Variants in ORC5 observed in about 807,000 individuals in gnomAD.
ORC5 encodes the protein protein phosphatase 1, regulatory subunit 117.
Under a neutral mutation model 58.8 loss-of-function variants are expected in ORC5, and 39 were observed. The ratio of observed to expected loss-of-function variants is 0.66; its 90% CI spans 0.51 to 0.87. The LOEUF is 0.87. Ranked by LOEUF, ORC5 falls within the 40% of genes least tolerant of loss-of-function variation. The probability of loss-of-function intolerance (pLI) is 0.00; values close to 1 mark genes in which losing one functional copy is unlikely to be tolerated. For synonymous variants in ORC5, 218 were observed against 177.6 expected (o/e 1.23, Z -1.81); for missense variants, 493 against 506.3 (o/e 0.97, Z 0.25).
chr7:104,151,554 A>G (rs537609197), intron 12 of ORC5, among the ~76,000 whole-genome samples: 1 of 152,346 alleles, frequency 6.6e-6, no homozygotes, highest in Non-Finnish European at 1.5e-5. Flanking sequence ...CGTATACTAC[A>G]TGGCAGGTGC....
At chr7:104,190,304 G>C (rs1799645588) in intron 5 of ORC5, among the ~76,000 whole-genome samples, 1 of 152,130 alleles carries the variant, frequency 6.6e-6, no homozygotes, top group East Asian at 1.9e-4. Context: ...CAACTAGGAA[G>C]AAAAAGGGGA....
At chr7:104,152,676 A>T (rs192759119) in intron 12 of ORC5, among the ~76,000 whole-genome samples, 19 of 152,292 alleles carry the variant, frequency 1.2e-4, no homozygotes, top group Admixed American at 1.0e-3. Flanking sequence ...GTCAGCTAAA[A>T]ATCTGCCAAG....
chr7:104,205,902 G>A (rs1482570103), intron 1 of ORC5, among the ~76,000 whole-genome samples: 3 of 152,120 alleles, frequency 2.0e-5, no homozygotes, highest in Non-Finnish European at 4.4e-5. Flanking sequence ...CCAGCTACTC[G>A]GAGGCTGAGG....
intron 13 of ORC5, among the ~76,000 whole-genome samples, chr7:104,134,561 G>T (rs571658878): frequency 2.0e-5 from 3 of 152,084 alleles, no homozygotes; most frequent in Admixed American, 6.6e-5. Flanking sequence ...CAGATTGCAT[G>T]AGTCTCAAGG....
chr7:104,132,384 T>C (rs1457965401), intron 13 of ORC5, among the ~76,000 whole-genome samples: 1 of 152,192 alleles, frequency 6.6e-6, no homozygotes, highest in Non-Finnish European at 1.5e-5. Context: ...ATTGATTGAC[T>C]GCCATTTTAG....
chr7:104,146,651 G>A (rs1273288040), intron 12 of ORC5, among the ~76,000 whole-genome samples: 4 of 152,188 alleles, frequency 2.6e-5, no homozygotes, highest in South Asian at 2.1e-4. Flanking sequence ...ATTGGGGAAG[G>A]GGAGGAAGAG....
At chr7:104,130,911 A>G (rs1028459925) in intron 13 of ORC5, among the ~76,000 whole-genome samples, 3 of 152,064 alleles carry the variant, frequency 2.0e-5, no homozygotes, top group African/African-American at 7.2e-5. Context: ...CTAGCTTAAG[A>G]CTCCATGATT....
chr7:104,175,973 G>A (rs764071355), intron 8 of ORC5, among the ~76,000 whole-genome samples: 1 of 152,128 alleles, frequency 6.6e-6, no homozygotes, highest in Non-Finnish European at 1.5e-5. Flanking sequence ...ATAAAAAGAA[G>A]TGTTTTTAAA....
In ORC5 at chr7:104,186,752, T is replaced by C. The variant is rs550176993; in HGVS notation, c.684+1499A>G. Reference sequence around the variant, plus strand: ...GAAAATGAATATCTTTATTCTTCCATGTTCTATATATAGAGAAAACTAAGA... The same window carrying C: ...GAAAATGAATATCTTTATTCTTCCACGTTCTATATATAGAGAAAACTAAGA... On this transcript the variant is annotated intron_variant, in intron 6 of 13. Transcript: ENST00000297431. 5.3e-5 allele frequency among the ~76,000 whole-genome samples: 8 copies of C among 152,310 alleles called. No homozygotes were observed. In the South Asian group the frequency reaches 1.2e-3, roughly 24 times the overall value.
intron 7 of ORC5, 26 bp from the exon 8 acceptor site, chr7:104,184,059 G>GT (rs776079142): frequency 6.3e-7 from 1 of 1,597,036 alleles, no homozygotes; most frequent in South Asian, 1.1e-5. Flanking sequence ...GAAAATTTCA[G>GT]TAATTTATAT....
At position 104,136,906 on chromosome 7, in the gene ORC5, A is replaced by G; in HGVS notation, c.1150-13T>C. Reference sequence around the variant, plus strand: ...CTAGAGAGGTAATCTAAAAGAGAACATTTTTATAAGAAACTGTTTTAATAA... The same window carrying G: ...CTAGAGAGGTAATCTAAAAGAGAACGTTTTTATAAGAAACTGTTTTAATAA... On this transcript the variant is annotated splice_polypyrimidine_tract_variant and intron_variant, in intron 12 of 13. Transcript: ENST00000297431. The surrounding 1 kb of genome is among the most constrained non-coding windows in gnomAD (Gnocchi z 4.2). 1.3e-6 allele frequency: 2 copies of G among 1,545,652 alleles called. No homozygotes were observed. Among genetic ancestry groups the G allele is most frequent in the Admixed American group, 1.7e-5 (1 of 59,908 alleles).
At chr7:104,168,990 G>A (rs1385709480) in intron 8 of ORC5, among the ~76,000 whole-genome samples, 1 of 152,160 alleles carries the variant, frequency 6.6e-6, no homozygotes, top group African/African-American at 2.4e-5. Context: ...GCTGAGGCAC[G>A]AGAATCACTT....
intron 1 of ORC5, 120 bp from the exon 2 acceptor site, chr7:104,204,354 A>T: frequency 1.5e-6 from 1 of 658,316 alleles, no homozygotes; most frequent in Non-Finnish European, 2.7e-6. Flanking sequence ...CCTAACAATG[A>T]GCATATTGTG....
intron 12 of ORC5, among the ~76,000 whole-genome samples, chr7:104,152,464 C>G (rs909770504): frequency 6.6e-6 from 1 of 152,108 alleles, no homozygotes; most frequent in Non-Finnish European, 1.5e-5. Context: ...TTAAATGTAC[C>G]ACACATTTCC....
At chr7:104,199,999 C>T (rs541338260) in intron 3 of ORC5, among the ~76,000 whole-genome samples, 37 of 152,274 alleles carry the variant, frequency 2.4e-4, no homozygotes, top group African/African-American at 8.9e-4. Context: ...TAAGGAGCTT[C>T]TCCTTCCTTC....
At chr7:104,204,800 T>C (rs1259107311) in intron 1 of ORC5, among the ~76,000 whole-genome samples, 5 of 152,350 alleles carry the variant, frequency 3.3e-5, no homozygotes, top group Middle Eastern at 3.4e-3. Context: ...AAAATCTGCA[T>C]AGCATTTATT....
At chr7:104,168,417 T>C (rs1300650231) in intron 9 of ORC5, 56 bp downstream of exon 9, 5 of 1,590,234 alleles carry the variant, frequency 3.1e-6, no homozygotes, top group Admixed American at 1.8e-5. Context: ...CTTTAGTATC[T>C]TGATAATTAG....
chr7:104,161,292 A>T, intron 11 of ORC5, 110 bp from the exon 12 acceptor site: 1 of 595,596 alleles, frequency 1.7e-6, no homozygotes, highest in Non-Finnish European at 3.0e-6. Context: ...TAGTTCCCCT[A>T]AAAATGCTAA....
At chr7:104,197,912 G>A in intron 3 of ORC5, 113 bp from the exon 4 acceptor site, 1 of 604,470 alleles carries the variant, frequency 1.7e-6, no homozygotes. Context: ...AATCCCCAGT[G>A]TGGCAGTATT....
Sources: gnomAD v4.1 joint callset for allele counts (sites outside exome capture counted in the v4.1 genomes callset) on GRCh38, gnomAD v4.1.1 for gene constraint, Gnocchi (gnomAD v3.1) non-coding constraint, MANE v1.5 for transcripts, NCBI Gene and HGNC (gene_info 2026-07-23, HGNC 2026-07-21) for gene names.